Variants in ZNF710 observed in about 807,000 individuals in gnomAD.
ZNF710 encodes the protein zinc finger protein 710.
ZNF710 carries 13 observed loss-of-function variants against 50.6 expected under a neutral mutation model. The ratio of observed to expected loss-of-function variants is 0.26; its 90% CI spans 0.17 to 0.41. The LOEUF is 0.41. ZNF710 is among the 10% of genes least tolerant of loss of function. The pLI, the probability that ZNF710 is intolerant of heterozygous loss-of-function variation, is 1.00. For missense variants in ZNF710, 721 were observed against 936.6 expected, an observed-to-expected ratio of 0.77 and a Z score of 3.01; for synonymous variants, 383 against 397.0, an observed-to-expected ratio of 0.96 and a Z score of 0.42.
At chr15:90,014,093 AT>A (rs1898385471) in intron 1 of ZNF710, among the ~76,000 whole-genome samples, 1 of 151,288 alleles carries the variant, frequency 6.6e-6, no homozygotes, top group Admixed American at 6.6e-5. Flanking sequence ...AAAAAAAAAA[AT>A]CACAAGCCCA....
At chr15:90,020,824 C>T (rs1428932886) in intron 1 of ZNF710, among the ~76,000 whole-genome samples, 1 of 152,250 alleles carries the variant, frequency 6.6e-6, no homozygotes, top group African/African-American at 2.4e-5. Context: ...CCCCACCCGC[C>T]TCCCCGCAAC....
intron 1 of ZNF710, among the ~76,000 whole-genome samples, chr15:90,033,632 C>T (rs139910956): frequency 6.6e-6 from 1 of 152,178 alleles, no homozygotes; most frequent in African/African-American, 2.4e-5. Context: ...GATCATAGCT[C>T]ACTGCAGCCT....
intron 1 of ZNF710, among the ~76,000 whole-genome samples, chr15:90,005,474 G>C (rs929560506): frequency 6.6e-5 from 10 of 152,048 alleles, no homozygotes; most frequent in Non-Finnish European, 1.2e-4. Context: ...TTTTGAGACG[G>C]AGTCTCACTC....
In ZNF710 at chr15:90,067,671, G is replaced by C; in HGVS notation, c.534G>C (p.Pro178=). The change falls in exon 2 of 5, where the codon CCG becomes CCC. Residue 178 remains proline, a synonymous_variant. Coordinates refer to ENST00000268154, the MANE Select transcript of ZNF710 (RefSeq NM_198526.4). The surrounding 1 kb of genome is among the most constrained non-coding windows in gnomAD (Gnocchi z 8.1). ...PRTLRHLPRT[P]RPELNVAPYD... ...CGCTCCGGCATCTGCCCCGAACCCC[G>C]AGGCCGGAGCTGAACGTGGCCCCAT... 6.2e-7 allele frequency: 1 copy of C among 1,612,946 alleles called. No homozygotes were observed. Among genetic ancestry groups the C allele is most frequent in the Non-Finnish European group, 8.5e-7 (1 of 1,179,642 alleles).
chr15:90,054,341 A>G (rs1899741050), intron 1 of ZNF710, among the ~76,000 whole-genome samples: 1 of 152,028 alleles, frequency 6.6e-6, no homozygotes, highest in African/African-American at 2.4e-5. Flanking sequence ...GAGGGGTCTG[A>G]GGCGAGTCTT....
chr15:90,040,012 G>A lies in ZNF710; in HGVS notation c.-28-27098G>A, dbSNP rs1457387927. ...CCAGAGAAGAGATCTCTGGACAAGT[G>A]TAATCTTGCTATCACATATTAGGAA... On this transcript the variant is annotated intron_variant, in intron 1 of 4. Transcript: ENST00000268154. This position sits in a 1 kb window ranked among gnomAD's most constrained non-coding sequence, Gnocchi z 4.6. Among the ~76,000 whole-genome samples, 1 of 152,208 alleles carries A rather than the reference G, an allele frequency of 6.6e-6. No homozygotes were observed. The highest frequency in any genetic ancestry group is 2.4e-5 in the African/African-American group (1 of 41,456).
Position 90,034,808 on chromosome 15 carries a change from G to T in ZNF710, c.-28-32302G>T, listed in dbSNP as rs4932275. The stretch of plus-strand genomic sequence containing the variant: ...GGTGCATTTCCTTTGCACACCTGGC[G>T]CCTGTTGGGGACTTAGACCTCTTCC... On this transcript the variant is annotated intron_variant, in intron 1 of 4. Transcript: ENST00000268154. This position sits in a 1 kb window ranked among gnomAD's most constrained non-coding sequence, Gnocchi z 4.0. Among the ~76,000 whole-genome samples, 1 of 152,106 alleles carries T rather than the reference G, an allele frequency of 6.6e-6. No individual in the cohort carries two copies. Among genetic ancestry groups the T allele is most frequent in the Non-Finnish European group, 1.5e-5 (1 of 68,024 alleles).
At position 90,073,989 on chromosome 15, in the gene ZNF710, CA is replaced by C. The variant is rs35145118; in HGVS notation, c.1651-117del. The C allele has an allele frequency of 8.1e-4, 571 of 702,886 alleles. 1 individual carries two copies. Among genetic ancestry groups the C allele is most frequent in the Non-Finnish European group, 9.1e-4 (479 of 524,498 alleles). The allele number at this position is 702,886 out of a possible 1,614,324, so 43.5% of individuals were successfully genotyped here. On this transcript the variant is annotated intron_variant, in intron 3 of 4. Coordinates refer to ENST00000268154, the MANE Select transcript of ZNF710 (RefSeq NM_198526.4). ...TGGACAACAGAGTGAGAGTCTGTCTCAAAAAAAAAACAAAAAAAAAAAACAA... is the reference window on the plus strand; with the variant it reads ...TGGACAACAGAGTGAGAGTCTGTCTCAAAAAAAAACAAAAAAAAAAAACAA...
intron 1 of ZNF710, among the ~76,000 whole-genome samples, chr15:90,024,678 T>A (rs1441783687): frequency 6.6e-6 from 1 of 152,198 alleles, no homozygotes; most frequent in Non-Finnish European, 1.5e-5. Context: ...CTCTCATACT[T>A]TATCATCTCT....
intron 1 of ZNF710, among the ~76,000 whole-genome samples, chr15:90,038,583 A>G (rs1483840860): frequency 6.6e-6 from 1 of 152,088 alleles, no homozygotes; most frequent in African/African-American, 2.4e-5. Context: ...ACCCATTCAT[A>G]TTTCCCCAGT....
At position 90,068,127 on chromosome 15, in the gene ZNF710, G is replaced by A. The variant is rs547782848; in HGVS notation, c.990G>A (p.Lys330=). ...IKPHSCPHCS[K]LFKQPSHLQT... ...CACACTCGTGCCCACACTGCAGCAA[G>A]CTCTTCAAGCAGCCCAGCCACCTGC... Residue 330 remains lysine, a synonymous_variant, in exon 2 of 5, where the codon AAG becomes AAA. Transcript: ENST00000268154. The surrounding 1 kb of genome is among the most constrained non-coding windows in gnomAD (Gnocchi z 5.0). 1.2e-6 allele frequency: 2 copies of A among 1,614,254 alleles called. No homozygotes were observed. Among genetic ancestry groups the A allele is most frequent in the Non-Finnish European group, 1.7e-6 (2 of 1,180,046 alleles).
intron 1 of ZNF710, among the ~76,000 whole-genome samples, chr15:90,031,063 A>G (rs1011657937): frequency 2.0e-5 from 3 of 149,552 alleles, no homozygotes; most frequent in African/African-American, 7.4e-5. Flanking sequence ...TTGTTTGGTA[A>G]CAAATGGATA....
At chr15:90,014,095 C>G (rs539055638) in intron 1 of ZNF710, among the ~76,000 whole-genome samples, 165 of 151,064 alleles carry the variant, frequency 1.1e-3, no homozygotes, top group Middle Eastern at 6.8e-3. Flanking sequence ...AAAAAAAAAT[C>G]ACAAGCCCAA....
chr15:90,070,070 C>G (rs1453760932), intron 2 of ZNF710, among the ~76,000 whole-genome samples: 1 of 152,240 alleles, frequency 6.6e-6, no homozygotes, highest in Non-Finnish European at 1.5e-5. Context: ...GTGACCCTGT[C>G]TCTCACGGTA....
At chr15:90,005,529 A>G (rs1052782138) in intron 1 of ZNF710, among the ~76,000 whole-genome samples, 1 of 152,140 alleles carries the variant, frequency 6.6e-6, no homozygotes. Flanking sequence ...GCTCACTGCA[A>G]CCTTCGCCTC....
At position 90,068,276 on chromosome 15, in the gene ZNF710, G is replaced by T; in HGVS notation, c.1139G>T (p.Ser380Ile). The stretch of plus-strand genomic sequence containing the variant: ...CTGCACTCGGAGGTCAAGCCCTACA[G>T]CTGCCACTTCTGCGGCCGCGGCTTC... ...MLLHSEVKPY[S>I]CHFCGRGFAY... The change falls in exon 2 of 5, where the codon AGC becomes ATC. Residue 380 changes from serine (S) to isoleucine (I), a missense_variant. Physicochemically the swap from Ser to Ile is moderately radical, Grantham distance 142. Around this residue, in one of 3 missense-constraint regions of ZNF710, gnomAD observed 326 missense variants for 522.0 expected, o/e 0.62. Coordinates refer to ENST00000268154, the MANE Select transcript of ZNF710 (RefSeq NM_198526.4). The surrounding 1 kb of genome is among the most constrained non-coding windows in gnomAD (Gnocchi z 5.0). The T allele has an allele frequency of 6.2e-7, 1 of 1,613,062 alleles. No homozygotes were observed. Among genetic ancestry groups the T allele is most frequent in the East Asian group, 2.2e-5 (1 of 44,884 alleles).
chr15:90,014,290 G>T (rs1315845592), intron 1 of ZNF710, among the ~76,000 whole-genome samples: 1 of 152,042 alleles, frequency 6.6e-6, no homozygotes, highest in Non-Finnish European at 1.5e-5. Context: ...AGGGATGGGA[G>T]GGCTGTGGTA....
chr15:90,029,352 G>A (rs369557484), intron 1 of ZNF710, among the ~76,000 whole-genome samples: 41 of 152,292 alleles, frequency 2.7e-4, no homozygotes, highest in Middle Eastern at 3.4e-3. Flanking sequence ...GTCCCAGCAA[G>A]GTGTAGGGGC....
chr15:90,046,398 T>C (rs1472814828), intron 1 of ZNF710, among the ~76,000 whole-genome samples: 3 of 152,130 alleles, frequency 2.0e-5, no homozygotes, highest in Non-Finnish European at 4.4e-5. Flanking sequence ...TAAAGCCTTA[T>C]GCAAAGGGGA....
Sources: gnomAD v4.1 joint callset for allele counts (sites outside exome capture counted in the v4.1 genomes callset) on GRCh38, gnomAD v4.1.1 for gene constraint, gnomAD v4.1.1 regional missense constraint, Gnocchi (gnomAD v3.1) non-coding constraint, MANE v1.5 for transcripts, NCBI Gene and HGNC (gene_info 2026-07-23, HGNC 2026-07-21) for gene names.